UCK2: variants seen among roughly 807,000 people sequenced by gnomAD.
The protein encoded by UCK2 is uridine-cytidine kinase 2, also known as cytidine monophosphokinase 2.
A neutral mutation model predicts 30.8 loss-of-function variants in UCK2; 6 were observed. That is an observed-to-expected ratio of 0.19 (90% CI 0.11 to 0.38). The LOEUF (loss-of-function observed/expected upper bound fraction) is 0.38, where lower values mean the gene tolerates loss of function less well. UCK2 is among the 10% of genes least tolerant of loss of function. The pLI is 1.00. For missense variants in UCK2, 210 were observed against 339.8 expected (o/e 0.62, Z 3.00); for synonymous variants, 125 against 133.6 (o/e 0.94, Z 0.45).
chr1:165,828,428 C>T (rs1386970388), intron 1 of UCK2, among the ~76,000 whole-genome samples: 1 of 152,190 alleles, frequency 6.6e-6, no homozygotes, highest in Non-Finnish European at 1.5e-5. Context: ...GTGGCGGGAA[C>T]GCGCGAGGCG....
At chr1:165,876,487 C>A (rs1655340220) in intron 1 of UCK2, among the ~76,000 whole-genome samples, 1 of 152,106 alleles carries the variant, frequency 6.6e-6, no homozygotes, top group South Asian at 2.1e-4. Flanking sequence ...TTCTGCAGGA[C>A]AAGTTTGTAA....
intron 1 of UCK2, among the ~76,000 whole-genome samples, chr1:165,861,814 C>T (rs1384562373): frequency 1.3e-5 from 2 of 152,164 alleles, no homozygotes; most frequent in Non-Finnish European, 2.9e-5. Context: ...TGGATTCAGA[C>T]ATCAGCTTGT....
chr1:165,900,767 C>T (rs1004117060), intron 4 of UCK2: 5 of 152,192 alleles, frequency 3.3e-5, no homozygotes, highest in African/African-American at 9.7e-5. Context: ...TGTGTGTGTG[C>T]TGGGAGAAGG....
At chr1:165,862,752 C>T (rs1187480443) in intron 1 of UCK2, among the ~76,000 whole-genome samples, 1 of 152,070 alleles carries the variant, frequency 6.6e-6, no homozygotes, top group African/African-American at 2.4e-5. Flanking sequence ...ACACTTAAAC[C>T]CTTAGTTTCC....
At chr1:165,843,551 G>A (rs948486544) in intron 1 of UCK2, among the ~76,000 whole-genome samples, 1 of 152,136 alleles carries the variant, frequency 6.6e-6, no homozygotes, top group Non-Finnish European at 1.5e-5. Context: ...GTCAAGGCAG[G>A]AGGATCACTT....
At chr1:165,903,571 T>C (rs1432032406) in intron 5 of UCK2, among the ~76,000 whole-genome samples, 1 of 152,178 alleles carries the variant, frequency 6.6e-6, no homozygotes, top group Non-Finnish European at 1.5e-5. Flanking sequence ...GGTGGGGTCA[T>C]GGTGTGAGAC....
At chr1:165,830,745 A>C (rs1433687038) in intron 1 of UCK2, among the ~76,000 whole-genome samples, 2 of 152,204 alleles carry the variant, frequency 1.3e-5, no homozygotes, top group Admixed American at 6.5e-5. Context: ...TTATTAAAAA[A>C]GTCCAAGACT....
chr1:165,882,964 A>G (rs1329617148), intron 1 of UCK2, among the ~76,000 whole-genome samples: 3 of 152,128 alleles, frequency 2.0e-5, no homozygotes, highest in Non-Finnish European at 4.4e-5. Context: ...AGCTGGGACT[A>G]CAGGCGCGTG....
intron 1 of UCK2, among the ~76,000 whole-genome samples, chr1:165,849,018 C>T (rs1225276656): frequency 6.6e-6 from 1 of 152,110 alleles, no homozygotes. Flanking sequence ...GTTTGGGAGG[C>T]TGAGGTGGGA....
intron 1 of UCK2, among the ~76,000 whole-genome samples, chr1:165,885,623 C>G (rs949121913): frequency 6.6e-6 from 1 of 152,192 alleles, no homozygotes; most frequent in African/African-American, 2.4e-5. Context: ...GCTGAACTCA[C>G]GCTCCAGTGG....
chr1:165,854,307 G>A (rs970557459), intron 1 of UCK2, among the ~76,000 whole-genome samples: 1 of 152,144 alleles, frequency 6.6e-6, no homozygotes, highest in African/African-American at 2.4e-5. Context: ...ACGTATGTGT[G>A]GTATTTGGTG....
At chr1:165,872,270 T>C (rs960935036) in intron 1 of UCK2, among the ~76,000 whole-genome samples, 5 of 152,182 alleles carry the variant, frequency 3.3e-5, no homozygotes, top group African/African-American at 1.2e-4. Context: ...AGACGGGGTT[T>C]TGCCATGTTG....
chr1:165,876,955 AG>A (rs1655352708), intron 1 of UCK2, among the ~76,000 whole-genome samples: 1 of 152,246 alleles, frequency 6.6e-6, no homozygotes, highest in Non-Finnish European at 1.5e-5. Context: ...ACCCTAATTC[AG>A]GATGATCTCA....
In UCK2 at chr1:165,911,503, C is replaced by A. The variant is rs1025626379; in HGVS notation, c.*3680C>A. 1.3e-5 allele frequency: 2 copies of A among 152,156 alleles called. No homozygotes were observed. Among genetic ancestry groups the A allele is most frequent in the Non-Finnish European group, 1.5e-5 (1 of 68,040 alleles). 9.4% of individuals were successfully genotyped at this position (152,156 alleles called of 1,614,324 possible). A position where few individuals can be genotyped will look rare whatever the true frequency, so the allele number is the denominator to read the frequency against. The stretch of plus-strand genomic sequence containing the variant: ...ACAGACTTAGGCTTTTTTTTCCCCC[C>A]TTTTAAGATGCTTGCTCCTCTCCCT... On this transcript the variant is annotated 3_prime_UTR_variant, in exon 7 of 7. Transcript: ENST00000367879.
At chr1:165,835,109 T>G (rs563521491) in intron 1 of UCK2, among the ~76,000 whole-genome samples, 1 of 152,312 alleles carries the variant, frequency 6.6e-6, no homozygotes, top group Non-Finnish European at 1.5e-5. Context: ...GTTCTGTGTT[T>G]CTGGGATTGC....
At chr1:165,848,752 C>T (rs1432816706) in intron 1 of UCK2, among the ~76,000 whole-genome samples, 5 of 152,088 alleles carry the variant, frequency 3.3e-5, no homozygotes, top group Non-Finnish European at 5.9e-5. Flanking sequence ...TTATCTGTGT[C>T]AGCTTTTGAT....
intron 1 of UCK2, among the ~76,000 whole-genome samples, chr1:165,850,691 C>G (rs372735719): frequency 1.4e-3 from 214 of 150,600 alleles, no homozygotes; most frequent in Non-Finnish European, 1.7e-3. Context: ...AGATCTTGGC[C>G]CACTGCAAGC....
chr1:165,877,395 C>T lies in UCK2; in HGVS notation c.100-12809C>T, dbSNP rs1238240478. ...GATACAGTGAAGATACAGAACACTTCCATCGCTACTGCTGTTTTGCTGTTT... is the reference window on the plus strand; with the variant it reads ...GATACAGTGAAGATACAGAACACTTTCATCGCTACTGCTGTTTTGCTGTTT... On this transcript the variant is annotated intron_variant, in intron 1 of 6. Coordinates refer to ENST00000367879, the MANE Select transcript of UCK2 (RefSeq NM_012474.5). Among the ~76,000 whole-genome samples, 5 of 152,178 alleles carry T rather than the reference C, an allele frequency of 3.3e-5. No homozygotes were observed. The East Asian group carries it at 9.6e-4, about 29-fold the overall frequency.
intron 1 of UCK2, among the ~76,000 whole-genome samples, chr1:165,850,173 C>T (rs974359929): frequency 6.6e-5 from 10 of 151,818 alleles, no homozygotes; most frequent in African/African-American, 1.9e-4. Flanking sequence ...CTCTTGTTAC[C>T]CAGGCTGGAG....
Sources: gnomAD v4.1 joint callset for allele counts (sites outside exome capture counted in the v4.1 genomes callset) on GRCh38, gnomAD v4.1.1 for gene constraint, MANE v1.5 for transcripts, NCBI Gene and HGNC (gene_info 2026-07-23, HGNC 2026-07-21) for gene names.